PRKG1: variants seen among roughly 807,000 people sequenced by gnomAD.
PRKG1 encodes cGMP-dependent protein kinase 1.
In PRKG1, 35 loss-of-function variants were observed where a neutral mutation model predicts 88.1. That is an observed-to-expected ratio of 0.40 (90% CI 0.30 to 0.53). The LOEUF (loss-of-function observed/expected upper bound fraction) is 0.53, where lower values mean the gene tolerates loss of function less well. Ranked by LOEUF, PRKG1 falls within the 20% of genes least tolerant of loss-of-function variation. PRKG1 has a pLI of 0.59. For synonymous variants in PRKG1, 303 were observed against 292.5 expected (o/e 1.04, Z -0.37); for missense variants, 540 against 839.8 (o/e 0.64, Z 4.41).
At chr10:51,949,330 AGGCT>A (rs1843130336) in intron 5 of PRKG1, among the ~76,000 whole-genome samples, 2 of 152,142 alleles carry the variant, frequency 1.3e-5, no homozygotes, top group African/African-American at 4.8e-5. Context: ...AATTTGGTTT[AGGCT>A]GGACACAGTA....
intron 3 of PRKG1, among the ~76,000 whole-genome samples, chr10:51,468,858 A>G (rs1839974899): frequency 6.6e-6 from 1 of 151,874 alleles, no homozygotes; most frequent in South Asian, 2.1e-4. Context: ...TTGGATTTAA[A>G]AAAAACATAA....
chr10:52,062,605 C>G lies in PRKG1; in HGVS notation c.909C>G (p.Asp303Glu), dbSNP rs1564452634. Residue 303 changes from aspartate (D) to glutamate (E), a missense_variant, in exon 7 of 18, where the codon GAC becomes GAG. Transcript: ENST00000373980. ...TTCTTAGAACTTTAGGAAAAGGAGA[C>G]TGGTTTGGAGAGAAAGCCTTGCAGG... Reference protein sequence around the residue: ...PVFLRTLGKGDWFGEKALQGE... With the variant: ...PVFLRTLGKGEWFGEKALQGE... 1 of 1,609,062 alleles carries G rather than the reference C, an allele frequency of 6.2e-7. No individual in the cohort carries two copies. Among genetic ancestry groups the G allele is most frequent in the African/African-American group, 1.3e-5 (1 of 74,648 alleles).
At chr10:52,109,776 A>G (rs1354149396) in intron 7 of PRKG1, among the ~76,000 whole-genome samples, 1 of 151,942 alleles carries the variant, frequency 6.6e-6, no homozygotes, top group African/African-American at 2.4e-5. Context: ...AAAAAATCTT[A>G]TCTCAAAAAT....
intron 16 of PRKG1, 51 bp downstream of exon 16, chr10:52,289,044 G>A (rs1268021429): frequency 6.6e-7 from 1 of 1,522,926 alleles, no homozygotes; most frequent in African/African-American, 1.4e-5. Context: ...TTTCCCCAGG[G>A]TGTTGCTTTT....
At chr10:52,171,548 A>G (rs1838676174) in intron 9 of PRKG1, among the ~76,000 whole-genome samples, 1 of 152,048 alleles carries the variant, frequency 6.6e-6, no homozygotes, top group South Asian at 2.1e-4. Flanking sequence ...GTCTTTCAAG[A>G]GCTGTTTTTG....
chr10:52,054,775 CATA>C (rs1203945218), intron 6 of PRKG1, among the ~76,000 whole-genome samples: 2 of 151,994 alleles, frequency 1.3e-5, no homozygotes, highest in African/African-American at 2.4e-5. Flanking sequence ...TGCTAATAAT[CATA>C]ATATTAGATG....
chr10:52,133,786 C>T, intron 7 of PRKG1, 54 bp from the exon 8 acceptor site: 2 of 1,433,668 alleles, frequency 1.4e-6, no homozygotes, highest in South Asian at 2.3e-5. Flanking sequence ...ACAATGGACA[C>T]TGTGCTTTGA....
At chr10:51,540,907 C>T (rs541236612) in intron 3 of PRKG1, among the ~76,000 whole-genome samples, 18 of 152,112 alleles carry the variant, frequency 1.2e-4, no homozygotes, top group Admixed American at 6.5e-4. Flanking sequence ...TTAGAAGAGA[C>T]GGGGTTTCAC....
At chr10:51,788,383 C>A (rs1232888674) in intron 3 of PRKG1, among the ~76,000 whole-genome samples, 2 of 152,244 alleles carry the variant, frequency 1.3e-5, no homozygotes, top group African/African-American at 2.4e-5. Flanking sequence ...TCATAATGTG[C>A]CAAAGCAGAC....
intron 3 of PRKG1, among the ~76,000 whole-genome samples, chr10:51,664,461 A>C (rs895070042): frequency 2.0e-5 from 3 of 152,082 alleles, no homozygotes; most frequent in Non-Finnish European, 2.9e-5. Context: ...CTTACTACCC[A>C]CTTGAAATAC....
chr10:52,162,772 A>G (rs986003998), intron 9 of PRKG1, among the ~76,000 whole-genome samples: 2 of 152,172 alleles, frequency 1.3e-5, no homozygotes, highest in Non-Finnish European at 2.9e-5. Context: ...TAAAATATTA[A>G]GAATTATATT....
intron 2 of PRKG1, among the ~76,000 whole-genome samples, chr10:51,202,354 A>G (rs951132695): frequency 1.3e-5 from 2 of 151,596 alleles, no homozygotes; most frequent in African/African-American, 4.9e-5. Context: ...CTGAATATAG[A>G]CTCCTCTTGG....
chr10:52,064,725 G>A (rs1846316663), intron 7 of PRKG1, among the ~76,000 whole-genome samples: 1 of 152,174 alleles, frequency 6.6e-6, no homozygotes, highest in Admixed American at 6.5e-5. Context: ...TGGTACCCAG[G>A]GAGCTCCCAT....
chr10:51,189,199 G>T (rs928573954), intron 2 of PRKG1, among the ~76,000 whole-genome samples: 1 of 151,730 alleles, frequency 6.6e-6, no homozygotes, highest in African/African-American at 2.4e-5. Context: ...TTCCAGGCCC[G>T]TATATTCTTT....
At chr10:51,045,510 G>C (rs977319876) in intron 1 of PRKG1, among the ~76,000 whole-genome samples, 1 of 152,012 alleles carries the variant, frequency 6.6e-6, no homozygotes, top group Non-Finnish European at 1.5e-5. Flanking sequence ...ATTTTTACTA[G>C]AGATGAGATT....
chr10:51,382,620 G>T (rs547074836), intron 2 of PRKG1, among the ~76,000 whole-genome samples: 2 of 152,302 alleles, frequency 1.3e-5, no homozygotes, highest in Admixed American at 6.5e-5. Flanking sequence ...ATTAATATTT[G>T]TGTCAGTTAA....
intron 10 of PRKG1, among the ~76,000 whole-genome samples, chr10:52,270,147 G>T (rs1181269025): frequency 6.6e-6 from 1 of 152,078 alleles, no homozygotes; most frequent in East Asian, 1.9e-4. Context: ...AGTCAGTACT[G>T]AAGAAATAAC....
At chr10:51,731,433 C>T (rs1183619201) in intron 3 of PRKG1, among the ~76,000 whole-genome samples, 1 of 152,090 alleles carries the variant, frequency 6.6e-6, no homozygotes, top group Non-Finnish European at 1.5e-5. Flanking sequence ...ATTTCTGCTG[C>T]AATTTGTCTT....
chr10:52,074,847 C>A (rs1846591419), intron 7 of PRKG1, among the ~76,000 whole-genome samples: 1 of 152,144 alleles, frequency 6.6e-6, no homozygotes, highest in African/African-American at 2.4e-5. Context: ...TAACATTACT[C>A]ATGTGTTCTG....
Sources: allele counts gnomAD v4.1 joint callset (sites outside exome capture counted in the v4.1 genomes callset), GRCh38; gene constraint gnomAD v4.1.1; transcripts MANE v1.5; gene names NCBI Gene and HGNC (gene_info 2026-07-23, HGNC 2026-07-21).